Variants in DAB1 observed in about 807,000 individuals in gnomAD.
DAB1 encodes disabled homolog 1.
Under a neutral mutation model 64.6 loss-of-function variants are expected in DAB1, and 15 were observed. The ratio of observed to expected loss-of-function variants is 0.23; its 90% CI spans 0.16 to 0.36. The LOEUF is 0.36. DAB1 is among the 10% of genes least tolerant of loss of function. DAB1 has a pLI of 1.00. For synonymous variants in DAB1, 235 were observed against 251.9 expected (o/e 0.93, Z 0.64); for missense variants, 596 against 706.7 (o/e 0.84, Z 1.78).
chr1:58,473,549 T>TAAAA (rs1220798227), intron 3 of DAB1, among the ~76,000 whole-genome samples: 7 of 80,702 alleles, frequency 8.7e-5, no homozygotes, highest in Admixed American at 6.5e-4. Context: ...CTCAAAAAAA[T>TAAAA]AAATAAATAA....
At chr1:57,031,757 C>T (rs1455048107) in intron 9 of DAB1, among the ~76,000 whole-genome samples, 2 of 152,232 alleles carry the variant, frequency 1.3e-5, no homozygotes, top group East Asian at 3.8e-4. Flanking sequence ...TTCCATGATG[C>T]ACATCCATTT....
chr1:58,244,674 T>C (rs1660451831), intron 4 of DAB1, among the ~76,000 whole-genome samples: 1 of 152,194 alleles, frequency 6.6e-6, no homozygotes, highest in Non-Finnish European at 1.5e-5. Context: ...TAGGACATGT[T>C]ACTTAATGTC....
intron 6 of DAB1, among the ~76,000 whole-genome samples, chr1:57,775,389 A>C (rs1326724766): frequency 6.6e-6 from 1 of 151,562 alleles, no homozygotes; most frequent in African/African-American, 2.4e-5. Flanking sequence ...CTATTTTTCT[A>C]ATATAAGTAT....
At chr1:57,100,436 G>A (rs61765295) in intron 4 of DAB1, among the ~76,000 whole-genome samples, 10,595 of 152,020 alleles carry the variant, frequency 0.07, 886 homozygotes, top group African/African-American at 0.2. Context: ...CTGTGTCTAG[G>A]CACTGGTTAA....
intron 5 of DAB1, among the ~76,000 whole-genome samples, chr1:58,118,491 T>TATATAC (rs1652495262): frequency 1.2e-5 from 1 of 82,346 alleles, no homozygotes. Flanking sequence ...TATATATATA[T>TATATAC]ATATATATAT....
upstream of DAB1, among the ~76,000 whole-genome samples, chr1:57,887,643 G>C (rs927916793): frequency 1.3e-5 from 2 of 152,164 alleles, no homozygotes; most frequent in African/African-American, 4.8e-5. Context: ...AGAATCACCA[G>C]TAATCTATAA....
chr1:58,280,260 G>A (rs1661526815), intron 4 of DAB1, among the ~76,000 whole-genome samples: 1 of 152,172 alleles, frequency 6.6e-6, no homozygotes, highest in Non-Finnish European at 1.5e-5. Flanking sequence ...TAGCCACACT[G>A]TGTTCTCTTC....
In DAB1 at chr1:57,011,159, C is replaced by T. The variant is rs142236626; in HGVS notation, c.1558G>A (p.Glu520Lys). Residue 520 changes from glutamate (E) to lysine (K), a missense_variant, in exon 13 of 15, where the codon GAA (glutamate) becomes AAA (lysine). Glu to Lys is a moderately conservative substitution (Grantham distance 56). Transcript: ENST00000371236. ...TGGTCACTTACAGCTTCTTGCTCTT[C>T]GCTTTTGCTGGGACTTTCAAAGCCC... ...EEGFESPSKSEEQEAPDGSQA... is the reference protein window; with the variant it reads ...EEGFESPSKSKEQEAPDGSQA... The T allele has an allele frequency of 2.4e-5, 38 of 1,613,920 alleles. No individual in the cohort carries two copies. Among genetic ancestry groups the T allele is most frequent in the African/African-American group, 1.2e-4 (9 of 74,928 alleles).
At chr1:57,828,225 G>A (rs1387507677) in intron 1 of DAB1, among the ~76,000 whole-genome samples, 4 of 152,310 alleles carry the variant, frequency 2.6e-5, no homozygotes, top group Admixed American at 2.6e-4. Flanking sequence ...GATTACAGGC[G>A]TGAGCCACCA....
intron 4 of DAB1, among the ~76,000 whole-genome samples, chr1:58,338,933 T>C (rs1205105538): frequency 1.3e-5 from 2 of 152,220 alleles, no homozygotes; most frequent in African/African-American, 2.4e-5. Flanking sequence ...CACCATTCCA[T>C]GTGTATGAAA....
intron 4 of DAB1, among the ~76,000 whole-genome samples, chr1:58,225,293 A>G (rs1190946226): frequency 6.6e-6 from 1 of 152,232 alleles, no homozygotes; most frequent in African/African-American, 2.4e-5. Context: ...AATGGCAATC[A>G]TTAAAAAGTC....
chr1:57,731,907 T>C (rs1647445297), intron 6 of DAB1, among the ~76,000 whole-genome samples: 1 of 152,152 alleles, frequency 6.6e-6, no homozygotes, highest in Non-Finnish European at 1.5e-5. Flanking sequence ...AACATATGTG[T>C]TTGAGAATTA....
chr1:57,200,114 T>C (rs779386146), intron 2 of DAB1, among the ~76,000 whole-genome samples: 1 of 152,214 alleles, frequency 6.6e-6, no homozygotes, highest in Non-Finnish European at 1.5e-5. Flanking sequence ...TACCTCTTTC[T>C]GTATACTGTC....
At chr1:57,167,769 C>T (rs967105257) in intron 2 of DAB1, among the ~76,000 whole-genome samples, 2 of 152,194 alleles carry the variant, frequency 1.3e-5, no homozygotes, top group Admixed American at 1.3e-4. Context: ...AAAGTGTAGT[C>T]ACCGTAATCT....
chr1:57,292,065 A>G (rs1029649011), intron 1 of DAB1, among the ~76,000 whole-genome samples: 2 of 152,150 alleles, frequency 1.3e-5, no homozygotes, highest in African/African-American at 2.4e-5. Context: ...CATTTCACCA[A>G]TTTCCACTTT....
chr1:57,710,841 A>C (rs1647019945), intron 6 of DAB1, among the ~76,000 whole-genome samples: 3 of 152,122 alleles, frequency 2.0e-5, no homozygotes, highest in Non-Finnish European at 4.4e-5. Flanking sequence ...ATCTCCACAA[A>C]AATTCAAAGG....
In DAB1 at chr1:57,981,488, T is replaced by A. The variant is rs533570880; in HGVS notation, n.388-97326A>T. ...TGAAAAGGCATGATCCTAAATTGTATGTACAGCAGTAATCCAATAGAATAA... is the reference window on the plus strand; with the variant it reads ...TGAAAAGGCATGATCCTAAATTGTAAGTACAGCAGTAATCCAATAGAATAA... On this transcript the variant is annotated intron_variant and non_coding_transcript_variant, in intron 5 of 20. Coordinates refer to the DAB1 transcript ENST00000485760. 2.6e-5 allele frequency among the ~76,000 whole-genome samples: 4 copies of A among 152,324 alleles called. No individual in the cohort carries two copies. The South Asian group carries it at 8.3e-4, about 32-fold the overall frequency.
chr1:57,985,754 T>C (rs765387749), intron 5 of DAB1, among the ~76,000 whole-genome samples: 10 of 152,062 alleles, frequency 6.6e-5, no homozygotes, highest in Non-Finnish European at 1.3e-4. Context: ...TGTGACCTAA[T>C]AGCGGAGAAA....
chr1:58,015,183 G>C (rs949754940), intron 5 of DAB1, among the ~76,000 whole-genome samples: 6 of 152,108 alleles, frequency 3.9e-5, no homozygotes, highest in Non-Finnish European at 7.4e-5. Context: ...TGCCATTTTG[G>C]CCCAGCATTA....
Sources: gnomAD v4.1 joint callset for allele counts (sites outside exome capture counted in the v4.1 genomes callset) on GRCh38, gnomAD v4.1.1 for gene constraint, MANE v1.5 for transcripts, NCBI Gene and HGNC (gene_info 2026-07-23, HGNC 2026-07-21) for gene names.